Variants in LIMK2 observed in about 807,000 individuals in gnomAD.
LIMK2 encodes LIM domain kinase 2.
In LIMK2, 35 loss-of-function variants were observed where a neutral mutation model predicts 75.7. That is an observed-to-expected ratio of 0.46 (90% CI 0.35 to 0.61). The LOEUF is 0.61. Among genes scored for constraint, LIMK2 ranks in the 20% least tolerant of loss-of-function variants. The pLI is 0.00. For missense variants in LIMK2, 623 were observed against 831.0 expected (o/e 0.75, Z 3.08); for synonymous variants, 301 against 319.2 (o/e 0.94, Z 0.61).
At chr22:31,248,511 C>A (rs1474263177) in intron 2 of LIMK2, 9 of 1,562,706 alleles carry the variant, frequency 5.8e-6, no homozygotes, top group Non-Finnish European at 6.9e-6. Flanking sequence ...CAGCCATGAG[C>A]CCCTGTGGGA....
chr22:31,240,427 CTT>C (rs58947836), intron 2 of LIMK2, among the ~76,000 whole-genome samples: 25 of 140,460 alleles, frequency 1.8e-4, no homozygotes, highest in Admixed American at 1.4e-4. Flanking sequence ...TCTAGAATCA[CTT>C]TTTTTTTTTT....
intron 5 of LIMK2, 39 bp downstream of exon 5, chr22:31,260,116 C>T (rs781013602): frequency 2.0e-6 from 3 of 1,496,450 alleles, no homozygotes; most frequent in Non-Finnish European, 2.7e-6. Flanking sequence ...GGTTCTTGAG[C>T]AGAGTCTGTA....
intron 2 of LIMK2, among the ~76,000 whole-genome samples, chr22:31,249,454 T>C (rs1343483978): frequency 2.6e-5 from 4 of 152,178 alleles, no homozygotes; most frequent in Non-Finnish European, 5.9e-5. Context: ...AGCCTCTCTC[T>C]GTGGGGCTTC....
intron 2 of LIMK2, among the ~76,000 whole-genome samples, chr22:31,234,931 C>T (rs1221421277): frequency 2.0e-5 from 3 of 152,012 alleles, no homozygotes; most frequent in South Asian, 4.1e-4. Context: ...TCCTGCTTAT[C>T]GTTTAGATCT....
chr22:31,273,386 C>G (rs2048978701), intron 13 of LIMK2, 66 bp from the exon 14 acceptor site: 2 of 1,441,576 alleles, frequency 1.4e-6, no homozygotes, highest in Non-Finnish European at 2.0e-6. Flanking sequence ...TTAGATTGAC[C>G]CTAGACCCAG....
intron 2 of LIMK2, among the ~76,000 whole-genome samples, chr22:31,237,038 G>A (rs541802321): frequency 1.2e-4 from 18 of 151,340 alleles, no homozygotes; most frequent in Admixed American, 2.6e-4. Context: ...GAGGGGGGCG[G>A]ATCACAAGGT....
chr22:31,243,074 C>G (rs1022846709), intron 2 of LIMK2, among the ~76,000 whole-genome samples: 2 of 152,190 alleles, frequency 1.3e-5, no homozygotes, highest in African/African-American at 4.8e-5. Context: ...GGGCACACAC[C>G]ACCACATCCA....
chr22:31,268,238 T>C (rs777945303), intron 11 of LIMK2, 38 bp downstream of exon 11: 2 of 1,547,972 alleles, frequency 1.3e-6, no homozygotes, highest in South Asian at 1.1e-5. Flanking sequence ...AGGGCGAGAG[T>C]AGGGAGAGGT....
At chr22:31,266,813 G>T (rs906786632) in intron 8 of LIMK2, among the ~76,000 whole-genome samples, 171 bp from the exon 9 acceptor site, 1 of 152,182 alleles carries the variant, frequency 6.6e-6, no homozygotes, top group Non-Finnish European at 1.5e-5. Context: ...GTTTGCTTCC[G>T]TGTGAGTCCC....
Position 31,265,975 on chromosome 22 carries a change from G to A in LIMK2, c.884G>A (p.Gly295Asp). 1 of 1,614,020 alleles carries A rather than the reference G, an allele frequency of 6.2e-7. No individual in the cohort carries two copies. ...RRSNSISKSP[G>D]PSSPKEPLLF... ...AGTAACAGTATCTCCAAGTCCCCTGGCCCCAGCTCCCCAAAGGAGCCCCTG... is the reference window on the plus strand; with the variant it reads ...AGTAACAGTATCTCCAAGTCCCCTGACCCCAGCTCCCCAAAGGAGCCCCTG... The change falls in exon 8 of 16, where the codon GGC becomes GAC. Residue 295 changes from glycine to aspartate, a missense_variant. By Grantham distance (94) the Gly-to-Asp change is moderately conservative. Transcript: ENST00000331728.
intron 5 of LIMK2, 130 bp downstream of exon 5, chr22:31,260,207 C>A: frequency 1.4e-6 from 1 of 738,968 alleles, no homozygotes; most frequent in Non-Finnish European, 2.0e-6. Context: ...CTCCTGGACC[C>A]CACTATGCTG....
Position 31,272,547 on chromosome 22 carries a change from G to T in LIMK2, c.1401G>T (p.Val467=). The T allele has an allele frequency of 6.2e-7, 1 of 1,613,042 alleles. No individual in the cohort carries two copies. The highest frequency in any genetic ancestry group is 8.5e-7 in the Non-Finnish European group (1 of 1,179,758). Residue 467 remains valine (V), a synonymous_variant, in exon 13 of 16, where the codon GTG becomes GTT. Transcript: ENST00000331728. ...CLIKLDKTVV[V]ADFGLSRLIV... ...CCTACCAGGACAAGACTGTGGTGGT[G>T]GCAGACTTTGGGCTGTCACGGCTCA... is the stretch of plus-strand genomic sequence containing the variant.
chr22:31,255,201 G>A (rs542426506), intron 2 of LIMK2, among the ~76,000 whole-genome samples: 1 of 152,138 alleles, frequency 6.6e-6, no homozygotes, highest in South Asian at 2.1e-4. Flanking sequence ...GAGAGGGAAA[G>A]GGGCTTGTCC....
chr22:31,266,503 TTCTC>T (rs1025228725), intron 8 of LIMK2, among the ~76,000 whole-genome samples: 2 of 152,128 alleles, frequency 1.3e-5, no homozygotes, highest in African/African-American at 4.8e-5. Context: ...ACCTCTCTCT[TTCTC>T]TCCTCCTCCT....
Position 31,215,200 on chromosome 22 carries a change from T to C in LIMK2, c.16+2776T>C, listed in dbSNP as rs146209540. ...AGTTCATATTTTCCAACTTCAAGTT[T>C]AGTGCTTCCTCCTCTCTGTAGCACA... On this transcript the variant is annotated intron_variant, in intron 1 of 15. Coordinates refer to ENST00000331728, the MANE Select transcript of LIMK2 (RefSeq NM_005569.4). Among the ~76,000 whole-genome samples the C allele has an allele frequency of 3.6e-3, 546 of 152,348 alleles. 3 individuals are homozygous for C. Among genetic ancestry groups the C allele is most frequent in the South Asian group, 0.013 (61 of 4,828 alleles).
intron 7 of LIMK2, among the ~76,000 whole-genome samples, chr22:31,264,660 C>G (rs540651897): frequency 3.7e-4 from 56 of 152,206 alleles, no homozygotes; most frequent in African/African-American, 1.3e-3. Flanking sequence ...CGGTGGCTCA[C>G]GCCTGTAATC....
At chr22:31,264,244 A>G (rs970753106) in intron 7 of LIMK2, among the ~76,000 whole-genome samples, 12 of 152,292 alleles carry the variant, frequency 7.9e-5, no homozygotes, top group African/African-American at 2.9e-4. Context: ...TAGAGCCACC[A>G]TGCAGAGGAG....
At chr22:31,233,634 C>T (rs574410828) in intron 2 of LIMK2, among the ~76,000 whole-genome samples, 25 of 152,320 alleles carry the variant, frequency 1.6e-4, no homozygotes, top group African/African-American at 5.5e-4. Flanking sequence ...ATCAACCTGG[C>T]TTGTCCATTT....
chr22:31,228,655 G>A (rs895118223), intron 2 of LIMK2, among the ~76,000 whole-genome samples: 3 of 151,956 alleles, frequency 2.0e-5, no homozygotes, highest in African/African-American at 4.8e-5. Flanking sequence ...TAATAGGGCC[G>A]GACGTGGTGG....
Sources: gnomAD v4.1 joint callset for allele counts (sites outside exome capture counted in the v4.1 genomes callset) on GRCh38, gnomAD v4.1.1 for gene constraint, MANE v1.5 for transcripts, NCBI Gene and HGNC (gene_info 2026-07-23, HGNC 2026-07-21) for gene names.